The following SIPA1L3 variants were observed in gnomAD, a reference collection of about 807,000 sequenced individuals.
SIPA1L3 encodes the protein signal induced proliferation associated 1 like 3, also known as signal-induced proliferation-associated 1-like protein 3.
A neutral mutation model predicts 150.1 loss-of-function variants in SIPA1L3; 59 were observed. The observed-to-expected ratio is 0.39, with a 90% CI of 0.32 to 0.49. The LOEUF (loss-of-function observed/expected upper bound fraction) is 0.49. Among genes scored for constraint, SIPA1L3 ranks in the 20% least tolerant of loss-of-function variants. SIPA1L3 has a pLI of 0.86. For missense variants in SIPA1L3, 2,211 were observed against 2,489.5 expected, an observed-to-expected ratio of 0.89 and a Z score of 2.38; for synonymous variants, 1,070 against 1,077.6, an observed-to-expected ratio of 0.99 and a Z score of 0.14.
intron 1 of SIPA1L3, among the ~76,000 whole-genome samples, chr19:37,977,104 T>C (rs1265603348): frequency 1.3e-5 from 2 of 151,910 alleles, no homozygotes; most frequent in African/African-American, 4.8e-5. Flanking sequence ...TCCAAAATGC[T>C]GGGAGTACAG....
intron 2 of SIPA1L3, among the ~76,000 whole-genome samples, chr19:38,032,507 G>A (rs922695608): frequency 6.6e-6 from 1 of 152,162 alleles, no homozygotes; most frequent in African/African-American, 2.4e-5. Flanking sequence ...TTAAGGGAAC[G>A]GACATCCTAC....
chr19:38,123,292 A>G (rs1414975780), intron 9 of SIPA1L3, among the ~76,000 whole-genome samples: 3 of 144,016 alleles, frequency 2.1e-5, no homozygotes, highest in African/African-American at 8.0e-5. Flanking sequence ...TTAATTGATC[A>G]TTCTTGGGTG....
chr19:37,940,062 A>G (rs1213668109), intron 1 of SIPA1L3, among the ~76,000 whole-genome samples: 1 of 152,218 alleles, frequency 6.6e-6, no homozygotes, highest in African/African-American at 2.4e-5. Flanking sequence ...GTATTTTAAA[A>G]GAGCAGCTAG....
At chr19:38,107,658 T>G (rs1031310160) in intron 7 of SIPA1L3, among the ~76,000 whole-genome samples, 2 of 152,130 alleles carry the variant, frequency 1.3e-5, no homozygotes, top group Non-Finnish European at 2.9e-5. Flanking sequence ...TTTCCTAAGG[T>G]TCATCTAAAA....
chr19:38,206,068 G>T (rs74573108), intron 21 of SIPA1L3, 29 bp from the exon 22 acceptor site: 3 of 1,516,632 alleles, frequency 2.0e-6, no homozygotes, highest in Non-Finnish European at 2.7e-6. Flanking sequence ...AAGCCCACCC[G>T]CCTGATGCCA....
intron 1 of SIPA1L3, among the ~76,000 whole-genome samples, chr19:37,916,731 G>A (rs2046418117): frequency 1.3e-5 from 2 of 152,020 alleles, no homozygotes; most frequent in African/African-American, 2.4e-5. Context: ...AGGCTGACGC[G>A]GGTGGATCAC....
chr19:37,958,758 G>A (rs865803292), intron 1 of SIPA1L3, among the ~76,000 whole-genome samples: 8 of 152,106 alleles, frequency 5.3e-5, no homozygotes, highest in African/African-American at 9.7e-5. Flanking sequence ...AAGACAAACC[G>A]TAGAATGGGA....
At chr19:37,974,439 G>A (rs1175299537) in intron 1 of SIPA1L3, among the ~76,000 whole-genome samples, 1 of 151,888 alleles carries the variant, frequency 6.6e-6, no homozygotes, top group Non-Finnish European at 1.5e-5. Context: ...CTTGAGCCTG[G>A]GAGGTTGAGG....
At chr19:38,121,960 C>T (rs1297628544) in intron 9 of SIPA1L3, among the ~76,000 whole-genome samples, 6 of 151,952 alleles carry the variant, frequency 3.9e-5, no homozygotes, top group African/African-American at 1.2e-4. Flanking sequence ...GTGGCTCACA[C>T]CTGTAATCCC....
chr19:37,938,551 CT>C (rs2046622016), intron 1 of SIPA1L3, among the ~76,000 whole-genome samples: 4 of 151,872 alleles, frequency 2.6e-5, no homozygotes, highest in Middle Eastern at 3.4e-3. Flanking sequence ...GGCAGAATAT[CT>C]TTTCATTCAT....
intron 1 of SIPA1L3, among the ~76,000 whole-genome samples, chr19:37,927,428 A>G (rs1205738035): frequency 6.6e-6 from 1 of 152,156 alleles, no homozygotes; most frequent in Non-Finnish European, 1.5e-5. Flanking sequence ...CTGGGATTAC[A>G]GGCGTGAGCC....
intron 1 of SIPA1L3, among the ~76,000 whole-genome samples, chr19:37,983,455 T>C (rs62120132): frequency 0.077 from 11,720 of 152,248 alleles, 480 homozygotes; most frequent in East Asian, 0.11. Context: ...GCACAGGCAC[T>C]GGCTTAAGAG....
At chr19:38,171,146 A>T (rs1054962951) in intron 15 of SIPA1L3, among the ~76,000 whole-genome samples, 2 of 152,062 alleles carry the variant, frequency 1.3e-5, no homozygotes, top group Non-Finnish European at 2.9e-5. Context: ...TGAGGCGTGG[A>T]GAAAGTATGT....
chr19:38,011,699 C>T lies in SIPA1L3; in HGVS notation c.-378-17390C>T, dbSNP rs531054527. Among the ~76,000 whole-genome samples the T allele has an allele frequency of 1.4e-4, 22 of 152,196 alleles. No homozygotes were observed. The South Asian group carries it at 4.6e-3, about 32-fold the overall frequency. On this transcript the variant is annotated intron_variant, in intron 1 of 21. Coordinates refer to ENST00000222345, the MANE Select transcript of SIPA1L3 (RefSeq NM_015073.3). ...TGGGTGATGGGGGAAGATGATGAGG[C>T]CCAAGATATGTTGAAGAACTTTAAG...
intron 1 of SIPA1L3, among the ~76,000 whole-genome samples, chr19:37,914,676 C>T (rs765617182): frequency 1.3e-5 from 2 of 152,014 alleles, no homozygotes; most frequent in Non-Finnish European, 2.9e-5. Flanking sequence ...TGCAGCCGGC[C>T]ACATTTTTTC....
chr19:38,005,283 G>A (rs1008242032), intron 1 of SIPA1L3, among the ~76,000 whole-genome samples: 1 of 152,118 alleles, frequency 6.6e-6, no homozygotes, highest in Non-Finnish European at 1.5e-5. Context: ...ACTCTCTACA[G>A]GAAGGCCAGC....
At chr19:38,096,403 T>C (rs543147337) in intron 4 of SIPA1L3, among the ~76,000 whole-genome samples, 110 of 152,176 alleles carry the variant, frequency 7.2e-4, no homozygotes, top group Non-Finnish European at 1.3e-3. Context: ...GCATGAGCCA[T>C]CATGCCTGGC....
chr19:37,911,511 T>C (rs2046377368), intron 1 of SIPA1L3, among the ~76,000 whole-genome samples: 1 of 151,390 alleles, frequency 6.6e-6, no homozygotes, highest in Non-Finnish European at 1.5e-5. Flanking sequence ...CTCTGAGATG[T>C]CTTTTTTTTT....
At chr19:38,016,689 C>T (rs1968239700) in intron 1 of SIPA1L3, among the ~76,000 whole-genome samples, 1 of 151,988 alleles carries the variant, frequency 6.6e-6, no homozygotes, top group East Asian at 1.9e-4. Context: ...GATGGGGTTT[C>T]ACCATGTTGG....
Sources: allele counts gnomAD v4.1 joint callset (sites outside exome capture counted in the v4.1 genomes callset), GRCh38; gene constraint gnomAD v4.1.1; transcripts MANE v1.5; gene names NCBI Gene and HGNC (gene_info 2026-07-23, HGNC 2026-07-21).